PDE4DIP: variants seen among roughly 807,000 people sequenced by gnomAD.
PDE4DIP encodes the protein myomegalin.
PDE4DIP carries 59 observed loss-of-function variants against 221.4 expected under a neutral mutation model. That is an observed-to-expected ratio of 0.27 (90% CI 0.22 to 0.33). The LOEUF (loss-of-function observed/expected upper bound fraction) is 0.33. PDE4DIP is among the 10% of genes least tolerant of loss of function. The pLI is 1.00. For synonymous variants in PDE4DIP, 404 were observed against 815.9 expected, an observed-to-expected ratio of 0.50 and a Z score of 8.60; for missense variants, 1,036 against 2,154.2, an observed-to-expected ratio of 0.48 and a Z score of 10.28.
chr1:148,820,667 G>A (rs1315011053), intron 1 of PDE4DIP, among the ~76,000 whole-genome samples: 1 of 148,904 alleles, frequency 6.7e-6, no homozygotes, highest in African/African-American at 2.5e-5. Flanking sequence ...TTTGACTGTG[G>A]GTGTGTCCAT....
chr1:148,826,414 C>A (rs1237185339), intron 1 of PDE4DIP, among the ~76,000 whole-genome samples: 1 of 86,782 alleles, frequency 1.2e-5, no homozygotes, highest in Non-Finnish European at 2.3e-5. Flanking sequence ...GTTCTTTTAC[C>A]AAACTGATAT....
At position 148,902,869 on chromosome 1, in the gene PDE4DIP, G is replaced by A. The variant is rs1254380989; in HGVS notation, c.141+12975G>A. Among the ~76,000 whole-genome samples, 35 of 115,994 alleles carry A rather than the reference G, an allele frequency of 3.0e-4. 7 individuals are homozygous for A. The highest frequency in any genetic ancestry group is 5.5e-4 in the Non-Finnish European group (33 of 59,830). The allele number at this position is 115,994 out of a possible 152,430, so 76.1% of individuals were successfully genotyped here. A position where few individuals can be genotyped will look rare whatever the true frequency, so the allele number is the denominator to read the frequency against. On this transcript the variant is annotated intron_variant, in intron 1 of 43. Coordinates refer to ENST00000369354, the Ensembl canonical transcript of PDE4DIP. ...GTGAACTGTGCTGCTATACATATGC[G>A]TGTTCAAGTATCTTTTTTGTATAAT...
intron 1 of PDE4DIP, among the ~76,000 whole-genome samples, chr1:148,901,862 C>A: frequency 8.2e-6 from 1 of 122,272 alleles, no homozygotes; most frequent in Non-Finnish European, 1.6e-5. Context: ...ACCTCACACT[C>A]CAGATTCTCA....
At chr1:148,995,522 G>C in intron 22 of PDE4DIP, among the ~76,000 whole-genome samples, 1 of 152,218 alleles carries the variant, frequency 6.6e-6, no homozygotes, top group South Asian at 2.1e-4. Context: ...GATTTGCACA[G>C]AGGCCTTTGT....
chr1:149,030,198 G>A lies in PDE4DIP; in HGVS notation c.6953-34G>A, dbSNP rs4997147. 1.2e-3 allele frequency: 1,637 copies of A among 1,381,094 alleles called. 4 individuals carry two copies. Among genetic ancestry groups the A allele is most frequent in the Middle Eastern group, 6.1e-3 (24 of 3,916 alleles). The allele number at this position is 1,381,094 out of a possible 1,614,324, so 85.6% of individuals were successfully genotyped here. On this transcript the variant is annotated intron_variant, in intron 42 of 43. Transcript: ENST00000369354. ...CAAGTAGGGTTAATTTCTGCTGGTGGTTTCTACTCTGTGGTGCTCTTTTGT... is the reference window on the plus strand; with the variant it reads ...CAAGTAGGGTTAATTTCTGCTGGTGATTTCTACTCTGTGGTGCTCTTTTGT...
chr1:149,010,337 C>T, intron 30 of PDE4DIP, 106 bp from the exon 34 acceptor site: 1 of 851,108 alleles, frequency 1.2e-6, no homozygotes, highest in Non-Finnish European at 1.9e-6. Context: ...TTGGTTCTTT[C>T]CCTGAAAGCA....
chr1:148,981,405 A>G lies in PDE4DIP; in HGVS notation c.2815+8A>G, dbSNP rs782022914. On this transcript the variant is annotated splice_region_variant and intron_variant, in intron 21 of 43. Coordinates refer to ENST00000369354, the Ensembl canonical transcript of PDE4DIP. ...CCCTGGCCGCCATTGGAGGTGGGGA[A>G]CTGGAAAGTGTGCGAATTCATCACA... 1.2e-6 allele frequency: 2 copies of G among 1,613,892 alleles called. No individual in the cohort carries two copies. Among genetic ancestry groups the G allele is most frequent in the South Asian group, 2.2e-5 (2 of 91,078 alleles).
intron 9 of PDE4DIP, among the ~76,000 whole-genome samples, chr1:148,963,905 C>T (rs1486032856): frequency 6.7e-6 from 1 of 148,318 alleles, no homozygotes; most frequent in East Asian, 2.0e-4. Flanking sequence ...AGGCACTGGC[C>T]GCCACCACGC....
intron 5 of PDE4DIP, among the ~76,000 whole-genome samples, chr1:148,939,329 TG>T (rs1300482245): frequency 6.6e-6 from 1 of 151,062 alleles, no homozygotes; most frequent in Non-Finnish European, 1.5e-5. Flanking sequence ...ATGGAAAGGT[TG>T]GGGTCAAGAT....
intron 1 of PDE4DIP, among the ~76,000 whole-genome samples, chr1:148,835,683 G>GTT (rs1373948838): frequency 4.6e-5 from 1 of 21,946 alleles, no homozygotes; most frequent in African/African-American, 2.7e-4. Flanking sequence ...GTCTGTTGGA[G>GTT]TTTGCTTGAG....
chr1:148,885,165 A>T (rs1695463780), upstream of PDE4DIP, among the ~76,000 whole-genome samples: 1 of 146,940 alleles, frequency 6.8e-6, no homozygotes, highest in African/African-American at 2.5e-5. Flanking sequence ...CAGACAAGAA[A>T]CAAAATAAAT....
exon 21 of PDE4DIP, chr1:148,981,322 C>T (rs200330433): frequency 2.4e-5 from 38 of 1,613,870 alleles, no homozygotes; most frequent in Middle Eastern, 1.7e-4. Flanking sequence ...TCAGGTGTTA[C>T]GCAGTCGGCT....
chr1:148,980,250 G>A (rs1446396442), intron 20 of PDE4DIP, among the ~76,000 whole-genome samples: 3 of 152,162 alleles, frequency 2.0e-5, no homozygotes, highest in Admixed American at 6.5e-5. Flanking sequence ...AAATTAGCTG[G>A]GTGAGGTAGC....
chr1:149,004,259 T>G (rs1553588903), intron 26 of PDE4DIP, among the ~76,000 whole-genome samples: 1 of 152,172 alleles, frequency 6.6e-6, no homozygotes, highest in East Asian at 1.9e-4. Flanking sequence ...CCCCATCAGG[T>G]ACTAAGGTCA....
At chr1:149,023,950 AAGAGAG>A (rs67572824) in intron 37 of PDE4DIP, among the ~76,000 whole-genome samples, 3 of 150,590 alleles carry the variant, frequency 2.0e-5, no homozygotes, top group South Asian at 4.2e-4. Flanking sequence ...GAGAGAGAGA[AAGAGAG>A]AGAGAGAAAT....
exon 5 of PDE4DIP, chr1:148,937,809 G>A (rs144942272): frequency 1.6e-5 from 18 of 1,108,588 alleles, no homozygotes; most frequent in African/African-American, 6.2e-5. Flanking sequence ...CAGCTATCTC[G>A]GGAGAAACAA....
chr1:148,922,906 G>A (rs1294627743), intron 1 of PDE4DIP, among the ~76,000 whole-genome samples: 3 of 140,264 alleles, frequency 2.1e-5, no homozygotes, highest in Non-Finnish European at 3.1e-5. Context: ...ATTTTTTTGA[G>A]GTGGAGTTTC....
chr1:148,956,355 G>A (rs1254862854), intron 5 of PDE4DIP, among the ~76,000 whole-genome samples: 1 of 151,884 alleles, frequency 6.6e-6, no homozygotes, highest in Non-Finnish European at 1.5e-5. Context: ...GATTCCTCCT[G>A]ATTGCTTTTC....
intron 37 of PDE4DIP, among the ~76,000 whole-genome samples, chr1:149,022,896 G>A (rs2073511309): frequency 6.6e-6 from 1 of 151,660 alleles, no homozygotes; most frequent in Non-Finnish European, 1.5e-5. Context: ...ATTAAGAGAT[G>A]ACAGTCTAAT....
Sources: gnomAD v4.1 joint callset for allele counts (sites outside exome capture counted in the v4.1 genomes callset) on GRCh38, gnomAD v4.1.1 for gene constraint, MANE v1.5 for transcripts, NCBI Gene and HGNC (gene_info 2026-07-23, HGNC 2026-07-21) for gene names.